The following EFCAB6 variants were observed in gnomAD, a reference collection of about 807,000 sequenced individuals.
The protein encoded by EFCAB6 is EF-hand calcium binding domain 6.
Under a neutral mutation model 169.8 loss-of-function variants are expected in EFCAB6, and 156 were observed. The observed-to-expected ratio is 0.92, with a 90% confidence interval of 0.81 to 1.05. The LOEUF (loss-of-function observed/expected upper bound fraction) is 1.05. Ranked by LOEUF, EFCAB6 falls within the 50% of genes least tolerant of loss-of-function variation. The pLI, the probability that EFCAB6 is intolerant of heterozygous loss-of-function variation, is 0.00. For missense variants in EFCAB6, 1,800 were observed against 1,829.1 expected, an observed-to-expected ratio of 0.98 and a Z score of 0.29; for synonymous variants, 698 against 676.4, an observed-to-expected ratio of 1.03 and a Z score of -0.50.
At chr22:43,632,486 G>C (rs1346230906) in intron 18 of EFCAB6, among the ~76,000 whole-genome samples, 1 of 152,062 alleles carries the variant, frequency 6.6e-6, no homozygotes, top group Non-Finnish European at 1.5e-5. Flanking sequence ...TTTTGGTACA[G>C]ACAGGGTTTC....
At chr22:43,809,693 C>T (rs1035847341) in intron 1 of EFCAB6, among the ~76,000 whole-genome samples, 3 of 151,982 alleles carry the variant, frequency 2.0e-5, no homozygotes, top group Non-Finnish European at 4.4e-5. Flanking sequence ...CTGCAACCTC[C>T]ACCTCCCAGG....
intron 24 of EFCAB6, among the ~76,000 whole-genome samples, chr22:43,584,532 A>G (rs1335389381): frequency 6.6e-6 from 1 of 151,906 alleles, no homozygotes; most frequent in Non-Finnish European, 1.5e-5. Flanking sequence ...GGGTTCTGGC[A>G]GGGGAAGGGG....
chr22:43,786,602 G>A (rs12628638), intron 2 of EFCAB6, among the ~76,000 whole-genome samples: 23,076 of 151,832 alleles, frequency 0.15, 1,814 homozygotes, highest in South Asian at 0.22. Flanking sequence ...GGCACCTGTA[G>A]TCCCAGCTAC....
chr22:43,756,475 T>C (rs115773094), intron 5 of EFCAB6, among the ~76,000 whole-genome samples: 7 of 152,280 alleles, frequency 4.6e-5, no homozygotes, highest in African/African-American at 1.4e-4. Flanking sequence ...GCATTATCTG[T>C]GTATCTACAA....
chr22:43,569,326 T>C (rs2049679521), intron 26 of EFCAB6, among the ~76,000 whole-genome samples: 1 of 152,234 alleles, frequency 6.6e-6, no homozygotes, highest in Admixed American at 6.5e-5. Context: ...CTTTCCATGA[T>C]GATGTGACTT....
intron 17 of EFCAB6, among the ~76,000 whole-genome samples, chr22:43,636,317 G>A (rs964814575): frequency 6.6e-6 from 1 of 152,196 alleles, no homozygotes; most frequent in African/African-American, 2.4e-5. Context: ...TGCATTCAGC[G>A]GAAGAGGCGG....
intron 22 of EFCAB6, among the ~76,000 whole-genome samples, chr22:43,608,207 G>C (rs147539479): frequency 6.6e-6 from 1 of 152,258 alleles, no homozygotes; most frequent in East Asian, 1.9e-4. Context: ...GAGCTCCCAG[G>C]TCCTTGGAAA....
At chr22:43,700,626 T>C (rs2058735054) in intron 10 of EFCAB6, among the ~76,000 whole-genome samples, 1 of 152,204 alleles carries the variant, frequency 6.6e-6, no homozygotes, top group East Asian at 1.9e-4. Context: ...GAGACTCACC[T>C]TCCCTCACTT....
At chr22:43,687,903 G>A (rs984875684) in intron 10 of EFCAB6, among the ~76,000 whole-genome samples, 1 of 152,210 alleles carries the variant, frequency 6.6e-6, no homozygotes, top group Non-Finnish European at 1.5e-5. Flanking sequence ...GAGCCTCTAT[G>A]TTGTGGCAGG....
chr22:43,584,565 G>A (rs2050935185), intron 24 of EFCAB6, among the ~76,000 whole-genome samples: 1 of 151,992 alleles, frequency 6.6e-6, no homozygotes, highest in South Asian at 2.1e-4. Context: ...GGTGCAATAT[G>A]TCCCCAGCCT....
chr22:43,672,435 C>T, intron 13 of EFCAB6, 130 bp from the exon 14 acceptor site: 1 of 894,422 alleles, frequency 1.1e-6, no homozygotes, highest in Non-Finnish European at 1.7e-6. Flanking sequence ...AGACCTTGAA[C>T]AACGGAGCTT....
At chr22:43,794,055 C>A (rs913788531) in intron 2 of EFCAB6, among the ~76,000 whole-genome samples, 10 of 152,084 alleles carry the variant, frequency 6.6e-5, no homozygotes, top group African/African-American at 2.4e-4. Flanking sequence ...TCCACCCAGA[C>A]AAACTGACTC....
chr22:43,750,339 T>C (rs1385805703), intron 6 of EFCAB6, among the ~76,000 whole-genome samples: 1 of 152,246 alleles, frequency 6.6e-6, no homozygotes, highest in Non-Finnish European at 1.5e-5. Context: ...ACTCTTCATT[T>C]AGATGCACGG....
intron 6 of EFCAB6, among the ~76,000 whole-genome samples, chr22:43,747,344 T>G (rs2147795506): frequency 6.6e-6 from 1 of 152,306 alleles, no homozygotes; most frequent in Middle Eastern, 3.4e-3. Flanking sequence ...GAGCCTTCAC[T>G]ATGCTAACGT....
intron 23 of EFCAB6, 84 bp downstream of exon 23, chr22:43,599,985 T>G: frequency 4.3e-6 from 6 of 1,397,776 alleles, no homozygotes; most frequent in Non-Finnish European, 5.8e-6. Context: ...CATGGGAAGG[T>G]ACCATTTTAA....
At chr22:43,534,971 G>A (rs1173026856) in intron 29 of EFCAB6, 99 bp from the exon 30 acceptor site, 1 of 1,334,854 alleles carries the variant, frequency 7.5e-7, no homozygotes, top group Non-Finnish European at 1.0e-6. Context: ...CTCTGCTTCA[G>A]GCCCTGGCTT....
At chr22:43,677,542 A>T (rs1274744874) in intron 13 of EFCAB6, among the ~76,000 whole-genome samples, 2 of 152,118 alleles carry the variant, frequency 1.3e-5, no homozygotes, top group Admixed American at 1.3e-4. Flanking sequence ...GCTACTTGGG[A>T]GGCTGAGGCA....
intron 23 of EFCAB6, among the ~76,000 whole-genome samples, chr22:43,592,000 G>A (rs1168721993): frequency 1.3e-5 from 2 of 152,178 alleles, no homozygotes; most frequent in African/African-American, 2.4e-5. Flanking sequence ...TGGCTTTGGG[G>A]TTATTCCTCA....
intron 21 of EFCAB6, among the ~76,000 whole-genome samples, chr22:43,609,480 G>A (rs1288294833): frequency 6.6e-6 from 1 of 152,148 alleles, no homozygotes; most frequent in Admixed American, 6.5e-5. Context: ...TGGATTCTAT[G>A]TCAACAGGCA....
Sources: gnomAD v4.1 joint callset for allele counts (sites outside exome capture counted in the v4.1 genomes callset) on GRCh38, gnomAD v4.1.1 for gene constraint, MANE v1.5 for transcripts, NCBI Gene and HGNC (gene_info 2026-07-23, HGNC 2026-07-21) for gene names.